Variants in LRRK1 observed in about 807,000 individuals in gnomAD.
LRRK1 encodes leucine-rich repeat serine/threonine-protein kinase 1.
LRRK1 carries 113 observed loss-of-function variants against 209.1 expected under a neutral mutation model. That is an observed-to-expected ratio of 0.54 (90% CI 0.46 to 0.63). The LOEUF is 0.63. Among genes scored for constraint, LRRK1 ranks in the 30% least tolerant of loss-of-function variants. The pLI, the probability that LRRK1 is intolerant of heterozygous loss-of-function variation, is 0.00. For synonymous variants in LRRK1, 1,144 were observed against 1,099.7 expected (o/e 1.04, Z -0.80); for missense variants, 2,284 against 2,632.2 (o/e 0.87, Z 2.89).
At chr15:100,920,897 G>A (rs533319187) in intron 1 of LRRK1, among the ~76,000 whole-genome samples, 18 of 151,986 alleles carry the variant, frequency 1.2e-4, no homozygotes, top group Non-Finnish European at 2.5e-4. Context: ...CTGCTGTCTC[G>A]GACCACCAGG....
chr15:101,052,288 C>T (rs1476148989), intron 24 of LRRK1, among the ~76,000 whole-genome samples: 1 of 152,212 alleles, frequency 6.6e-6, no homozygotes, highest in Middle Eastern at 3.2e-3. Context: ...TCCACTCCTA[C>T]CTCCCCACCA....
chr15:101,077,670 C>A lies in LRRK1; in HGVS notation c.*8822C>A, dbSNP rs545549488. On this transcript the variant is annotated 3_prime_UTR_variant, in exon 34 of 34. Transcript: ENST00000388948. ...CCCTTACCACAAGACCTCCCTTCAG[C>A]TTAATCTCTCCCACTCTAGGTTCCC... is the stretch of plus-strand genomic sequence containing the variant. 4.6e-5 allele frequency: 7 copies of A among 152,336 alleles called. No homozygotes were observed. Among genetic ancestry groups the A allele is most frequent in the African/African-American group, 1.2e-4 (5 of 41,568 alleles). 9.4% of individuals were successfully genotyped at this position (152,336 alleles called of 1,614,324 possible). A position where few individuals can be genotyped will look rare whatever the true frequency, so the allele number is the denominator to read the frequency against.
intron 33 of LRRK1, among the ~76,000 whole-genome samples, chr15:101,068,464 G>A (rs182396595): frequency 3.9e-5 from 6 of 152,250 alleles, no homozygotes; most frequent in East Asian, 1.9e-4. Flanking sequence ...CCCACAGCCC[G>A]TCTTTGGACT....
At chr15:100,931,106 ATC>A (rs968680359) in intron 2 of LRRK1, among the ~76,000 whole-genome samples, 65 of 152,356 alleles carry the variant, frequency 4.3e-4, no homozygotes, top group African/African-American at 1.4e-3. Context: ...AGAAACACAT[ATC>A]TCAAGCAATA....
chr15:100,926,424 A>G (rs1230424180), intron 2 of LRRK1, among the ~76,000 whole-genome samples: 2 of 152,026 alleles, frequency 1.3e-5, no homozygotes, highest in African/African-American at 4.8e-5. Context: ...CCTGTAGGGT[A>G]GGTGACTGTG....
chr15:101,064,696 G>C (rs955888261), intron 31 of LRRK1: 1 of 153,762 alleles, frequency 6.5e-6, no homozygotes, highest in African/African-American at 2.4e-5. Flanking sequence ...GAAGAGGGTT[G>C]AGTAGGAAGC....
Position 101,026,122 on chromosome 15 carries a change from C to T in LRRK1, c.2390C>T (p.Thr797Ile), listed in dbSNP as rs756811495. Residue 797 changes from threonine to isoleucine, a missense_variant, in exon 17 of 34, where the codon ACC becomes ATC. By Grantham distance (89) the Thr-to-Ile change is moderately conservative (BLOSUM62 -1). This residue lies in a region of LRRK1 where 780 missense variants were observed against 985.2 expected (regional missense o/e 0.79). Transcript: ENST00000388948. ...GSRATGFPDI[T>I]FKHLHEISCK... ...AGGGCCACAGGCTTCCCAGACATCACCTTCAAACACTTACAGTGAGTGCCC... is the reference window on the plus strand; with the variant it reads ...AGGGCCACAGGCTTCCCAGACATCATCTTCAAACACTTACAGTGAGTGCCC... 5.6e-6 allele frequency: 9 copies of T among 1,614,136 alleles called. No individual in the cohort carries two copies. Among genetic ancestry groups the T allele is most frequent in the Non-Finnish European group, 6.8e-6 (8 of 1,180,052 alleles).
intron 6 of LRRK1, among the ~76,000 whole-genome samples, chr15:101,004,373 CTT>C (rs2032845776): frequency 6.6e-6 from 1 of 151,984 alleles, no homozygotes; most frequent in Non-Finnish European, 1.5e-5. Flanking sequence ...CTTGCGCAGA[CTT>C]TGATATTTCA....
At chr15:101,045,152 TTTTCTTACAGTTTAGGGAGTCTTTTCCAG>T (rs1390596177) in intron 20 of LRRK1, among the ~76,000 whole-genome samples, 1 of 152,252 alleles carries the variant, frequency 6.6e-6, no homozygotes, top group Non-Finnish European at 1.5e-5. Flanking sequence ...TGTCACTGAA[TTTTCTTACAGTTTAGGGAGTCTTTTCCAG>T]AAAGTTCTAA....
chr15:101,048,572 C>T lies in LRRK1; in HGVS notation c.3214C>T (p.Arg1072Cys), dbSNP rs376281560. 22 of 1,588,094 alleles carry T rather than the reference C, an allele frequency of 1.4e-5. No individual in the cohort carries two copies. The Admixed American group carries it at 1.7e-4, about 12-fold the overall frequency. ...IYSFTGNQRN[R>C]CSTFRVKRNQ... ...CAGTTTTACAGGAAACCAGAGAAATCGCTGTAGCACATTCAGAGTGAAAAG... is the reference window on the plus strand; with the variant it reads ...CAGTTTTACAGGAAACCAGAGAAATTGCTGTAGCACATTCAGAGTGAAAAG... The change falls in exon 22 of 34, where the codon CGC becomes TGC. Residue 1072 changes from arginine (R) to cysteine (C), a missense_variant. Around this residue, in one of 6 missense-constraint regions of LRRK1, gnomAD observed 780 missense variants for 985.2 expected, o/e 0.79. Coordinates refer to ENST00000388948, the MANE Select transcript of LRRK1 (RefSeq NM_024652.6).
At chr15:101,068,620 C>T (rs2036662605) in intron 33 of LRRK1, 51 bp from the exon 34 acceptor site, 2 of 1,522,356 alleles carry the variant, frequency 1.3e-6, no homozygotes, top group Non-Finnish European at 8.8e-7. Context: ...GTCCCAACCC[C>T]ACCCGAGTGG....
rs531519521 is a variant in LRRK1 at position 100,940,086 on chromosome 15, G to A, written c.97+15357G>A. On this transcript the variant is annotated intron_variant, in intron 2 of 33. Transcript: ENST00000388948. ...TGTCCATATCCTGCCCCGGATGCAC[G>A]ATGCACTGTTTCTCCAAGAATCCCT... Among the ~76,000 whole-genome samples the A allele has an allele frequency of 4.6e-5, 7 of 152,280 alleles. No individual in the cohort carries two copies. In the South Asian group the frequency reaches 1.0e-3, roughly 23 times the overall value.
At chr15:101,048,762 C>G (rs1188364772) in intron 22 of LRRK1, 105 bp downstream of exon 22, 1 of 965,548 alleles carries the variant, frequency 1.0e-6, no homozygotes. Context: ...CAGAATTTTG[C>G]TCGTGAGAGC....
At chr15:100,925,878 A>G (rs1465135715) in intron 2 of LRRK1, among the ~76,000 whole-genome samples, 1 of 152,234 alleles carries the variant, frequency 6.6e-6, no homozygotes, top group Non-Finnish European at 1.5e-5. Flanking sequence ...TAATGCTGCA[A>G]CACTCATTCT....
intron 2 of LRRK1, among the ~76,000 whole-genome samples, chr15:100,951,501 G>A (rs778943481): frequency 2.0e-5 from 3 of 151,816 alleles, no homozygotes; most frequent in Non-Finnish European, 4.4e-5. Flanking sequence ...AAGTGATCAC[G>A]GTAGCATTAT....
intron 2 of LRRK1, among the ~76,000 whole-genome samples, chr15:100,964,792 A>T (rs2030345385): frequency 9.5e-6 from 1 of 104,960 alleles, no homozygotes; most frequent in South Asian, 3.5e-4. Flanking sequence ...ACACACACAC[A>T]CACGTGCACA....
intron 2 of LRRK1, among the ~76,000 whole-genome samples, chr15:100,926,086 C>T (rs980539402): frequency 2.6e-5 from 4 of 152,204 alleles, no homozygotes; most frequent in Non-Finnish European, 4.4e-5. Flanking sequence ...TGGAAGGTGT[C>T]GTTTCACATC....
At chr15:100,922,978 C>T (rs1335892312) in intron 1 of LRRK1, among the ~76,000 whole-genome samples, 1 of 152,180 alleles carries the variant, frequency 6.6e-6, no homozygotes, top group African/African-American at 2.4e-5. Flanking sequence ...CAGCCTTGTC[C>T]TGTACCTTAC....
In LRRK1 at chr15:101,021,034, C is replaced by T. The variant is rs1275573523; in HGVS notation, c.1610-19C>T. ...CAGAATTATTTTTAAATGCAGTCTGCTTTGCCATGTCTTTGCAGCAAGTGT... is the reference window on the plus strand; with the variant it reads ...CAGAATTATTTTTAAATGCAGTCTGTTTTGCCATGTCTTTGCAGCAAGTGT... On this transcript the variant is annotated intron_variant, in intron 12 of 33. Transcript: ENST00000388948. 1 of 1,613,904 alleles carries T rather than the reference C, an allele frequency of 6.2e-7. No homozygotes were observed. Among genetic ancestry groups the T allele is most frequent in the Non-Finnish European group, 8.5e-7 (1 of 1,179,836 alleles).
Sources: allele counts gnomAD v4.1 joint callset (sites outside exome capture counted in the v4.1 genomes callset), GRCh38; gene constraint gnomAD v4.1.1; regional missense constraint gnomAD v4.1.1; transcripts MANE v1.5; gene names NCBI Gene and HGNC (gene_info 2026-07-23, HGNC 2026-07-21).